Variants in SBF2 observed in about 807,000 individuals in gnomAD.
SBF2 encodes the protein myotubularin-related protein 13.
Under a neutral mutation model 225.2 loss-of-function variants are expected in SBF2, and 112 were observed. That is an observed-to-expected ratio of 0.50 (90% CI 0.43 to 0.58). The LOEUF is 0.58. Ranked by LOEUF, SBF2 falls within the 20% of genes least tolerant of loss-of-function variation. The pLI is 0.00. For synonymous variants in SBF2, 763 were observed against 773.3 expected, an observed-to-expected ratio of 0.99 and a Z score of 0.22; for missense variants, 1,996 against 2,206.2, an observed-to-expected ratio of 0.90 and a Z score of 1.91.
At chr11:10,225,229 G>T (rs1413100783) in intron 1 of SBF2, among the ~76,000 whole-genome samples, 2 of 151,658 alleles carry the variant, frequency 1.3e-5, no homozygotes, top group Non-Finnish European at 2.9e-5. Context: ...TCTTCCAAAT[G>T]AACTCATATC....
chr11:9,789,259 A>G lies in SBF2; in HGVS notation c.4782T>C (p.Tyr1594=). 1 of 1,614,184 alleles carries G rather than the reference A, an allele frequency of 6.2e-7. No individual in the cohort carries two copies. The highest frequency in any genetic ancestry group is 8.5e-7 in the Non-Finnish European group (1 of 1,180,032). ...GCTTGGGGGTTAGCATCATCCAGTC[A>G]TAGGAAGGGCCTGTGGACAGGGTCT... ...IEETLSTGPS[Y]DWMMLTPKHF... Residue 1594 remains tyrosine (Y), a synonymous_variant, in exon 35 of 40, where the codon TAT becomes TAC. Transcript: ENST00000256190.
intron 33 of SBF2, 110 bp downstream of exon 33, chr11:9,795,721 T>G: frequency 7.3e-7 from 1 of 1,364,674 alleles, no homozygotes. Context: ...AGTTCAGAGT[T>G]AAACCTTAAC....
chr11:10,216,602 G>C (rs558713913), intron 1 of SBF2, among the ~76,000 whole-genome samples: 2 of 152,370 alleles, frequency 1.3e-5, no homozygotes, highest in African/African-American at 4.8e-5. Context: ...GGGTGTGGTG[G>C]CTCACGCCTG....
intron 1 of SBF2, among the ~76,000 whole-genome samples, chr11:10,254,939 A>AAAAAAAAAAAAAAAAAAAAAT (rs1960737355): frequency 1.8e-5 from 2 of 113,920 alleles, no homozygotes; most frequent in African/African-American, 3.2e-5. Context: ...AAAAAAAAAA[A>AAAAAAAAAAAAAAAAAAAAAT]TCCTATTATT....
chr11:10,251,644 C>T (rs1960360918), intron 1 of SBF2, among the ~76,000 whole-genome samples: 1 of 152,170 alleles, frequency 6.6e-6, no homozygotes, highest in Non-Finnish European at 1.5e-5. Context: ...GGAGCACACT[C>T]CAAACTCCTG....
Position 9,963,830 on chromosome 11 carries a change from T to A in SBF2, c.1653A>T (p.Glu551Asp). Residue 551 changes from glutamate to aspartate, a missense_variant, in exon 15 of 40, where the codon GAA (glutamate) becomes GAT (aspartate). Physicochemically the swap from Glu to Asp is conservative, Grantham distance 45. Transcript: ENST00000256190. Reference protein sequence around the residue: ...TTVFNSAQRLEVVRNCISFIF... With the variant: ...TTVFNSAQRLDVVRNCISFIF... ...TGAATGAGATACAGTTTCTGACAAC[T>A]TCTAGTCTTTGTGCACTGTTGAAAA... is the stretch of plus-strand genomic sequence containing the variant. 3.7e-6 allele frequency: 6 copies of A among 1,611,760 alleles called. No homozygotes were observed. Among genetic ancestry groups the A allele is most frequent in the Non-Finnish European group, 4.2e-6 (5 of 1,178,266 alleles).
At chr11:9,865,717 G>A (rs360164) in intron 17 of SBF2, among the ~76,000 whole-genome samples, 100,701 of 107,600 alleles carry the variant, frequency 0.94, 46,966 homozygotes, top group East Asian at 1. Flanking sequence ...AAAAAAAAAA[G>A]GCGGGAGGCG....
At chr11:10,029,711 G>T in intron 5 of SBF2, 54 bp downstream of exon 5, 1 of 1,083,268 alleles carries the variant, frequency 9.2e-7, no homozygotes. Flanking sequence ...AAATTAACTG[G>T]AGGAGAGGGG....
chr11:10,030,140 G>T (rs1430221152), intron 4 of SBF2, among the ~76,000 whole-genome samples: 1 of 152,176 alleles, frequency 6.6e-6, no homozygotes, highest in African/African-American at 2.4e-5. Context: ...AACTACTCTA[G>T]CAAATCTGTA....
intron 32 of SBF2, among the ~76,000 whole-genome samples, chr11:9,800,300 T>C (rs1410029203): frequency 1.3e-5 from 2 of 152,212 alleles, no homozygotes; most frequent in African/African-American, 4.8e-5. Flanking sequence ...GTGTTCTAGA[T>C]AAATCCTTCA....
At chr11:10,109,605 T>A (rs1430324803) in intron 2 of SBF2, among the ~76,000 whole-genome samples, 1 of 152,198 alleles carries the variant, frequency 6.6e-6, no homozygotes, top group South Asian at 2.1e-4. Context: ...ATTTATCATC[T>A]CATTTGGGTA....
intron 16 of SBF2, chr11:9,958,971 T>A: frequency 1.3e-6 from 1 of 760,904 alleles, no homozygotes; most frequent in South Asian, 1.6e-5. Context: ...GGTACTGCTG[T>A]TGCTTGCTTA....
At chr11:10,150,555 GA>G (rs1399847593) in intron 2 of SBF2, among the ~76,000 whole-genome samples, 3 of 151,972 alleles carry the variant, frequency 2.0e-5, no homozygotes, top group Admixed American at 1.3e-4. Context: ...CTATTTCAAA[GA>G]AAAAAATTGT....
intron 2 of SBF2, among the ~76,000 whole-genome samples, chr11:10,108,698 G>T (rs1285424016): frequency 6.6e-6 from 1 of 151,340 alleles, no homozygotes; most frequent in African/African-American, 2.4e-5. Flanking sequence ...CTAATTTTTT[G>T]TATTTTTAGT....
In SBF2 at chr11:10,188,756, T is replaced by TG. The variant is rs556526973; in HGVS notation, c.141+5145dup. On this transcript the variant is annotated intron_variant, in intron 2 of 39. Coordinates refer to ENST00000256190, the MANE Select transcript of SBF2 (RefSeq NM_030962.4). ...AGACTTCATGAGGTTCCCTGCCCTGTGGTTTTATTACTTCAAAGAGACAAC... is the reference window on the plus strand; with the variant it reads ...AGACTTCATGAGGTTCCCTGCCCTGTGGGTTTTATTACTTCAAAGAGACAAC... 4.0e-3 allele frequency among the ~76,000 whole-genome samples: 609 copies of TG among 152,338 alleles called. 4 individuals are homozygous for TG. The highest frequency in any genetic ancestry group is 0.014 in the African/African-American group (589 of 41,572).
intron 2 of SBF2, among the ~76,000 whole-genome samples, chr11:10,142,666 A>G (rs765056010): frequency 2.0e-5 from 3 of 152,208 alleles, no homozygotes; most frequent in African/African-American, 7.2e-5. Flanking sequence ...CAAACCACAT[A>G]AAACTTGTGA....
chr11:10,085,609 T>C (rs1565212846), intron 2 of SBF2, among the ~76,000 whole-genome samples: 1 of 152,228 alleles, frequency 6.6e-6, no homozygotes, highest in Non-Finnish European at 1.5e-5. Flanking sequence ...ATGAACATAT[T>C]TTTAAAGTTT....
intron 1 of SBF2, among the ~76,000 whole-genome samples, chr11:10,301,939 A>G (rs1270600967): frequency 1.3e-5 from 2 of 152,232 alleles, no homozygotes; most frequent in African/African-American, 4.8e-5. Flanking sequence ...TGACCTTTTG[A>G]AATTCTGGAG....
At chr11:9,860,497 T>A (rs1412714773) in intron 17 of SBF2, among the ~76,000 whole-genome samples, 1 of 151,846 alleles carries the variant, frequency 6.6e-6, no homozygotes, top group Non-Finnish European at 1.5e-5. Flanking sequence ...TGCAGTGAGA[T>A]GAGATGGGGT....
Sources: gnomAD v4.1 joint callset for allele counts (sites outside exome capture counted in the v4.1 genomes callset) on GRCh38, gnomAD v4.1.1 for gene constraint, MANE v1.5 for transcripts, NCBI Gene and HGNC (gene_info 2026-07-23, HGNC 2026-07-21) for gene names.